The following PCSK2 variants were observed in gnomAD, a reference collection of about 807,000 sequenced individuals.
The protein encoded by PCSK2 is neuroendocrine convertase 2.
Under a neutral mutation model 69.7 loss-of-function variants are expected in PCSK2, and 14 were observed. That is an observed-to-expected ratio of 0.20 (90% CI 0.13 to 0.31). PCSK2 has a LOEUF of 0.31. Ranked by LOEUF, PCSK2 falls within the 10% of genes least tolerant of loss-of-function variation. PCSK2 has a pLI of 1.00. For missense variants in PCSK2, 544 were observed against 842.5 expected (o/e 0.65, Z 4.39); for synonymous variants, 307 against 320.7 (o/e 0.96, Z 0.46).
At chr20:17,303,470 A>ATGG (rs1989184569) in intron 2 of PCSK2, among the ~76,000 whole-genome samples, 1 of 58,046 alleles carries the variant, frequency 1.7e-5, no homozygotes, top group African/African-American at 6.3e-5. Context: ...TATAATATAT[A>ATGG]TTATATATAA....
chr20:17,321,773 C>T (rs1344185726), intron 2 of PCSK2, among the ~76,000 whole-genome samples: 1 of 152,052 alleles, frequency 6.6e-6, no homozygotes, highest in Non-Finnish European at 1.5e-5. Context: ...CTAATTGATT[C>T]CGACATTCCA....
intron 1 of PCSK2, among the ~76,000 whole-genome samples, chr20:17,257,468 G>A (rs1301145586): frequency 6.6e-6 from 1 of 152,116 alleles, no homozygotes; most frequent in Non-Finnish European, 1.5e-5. Flanking sequence ...AAAGATACAT[G>A]CACACATATG....
At chr20:17,404,484 C>T (rs1405092494) in intron 5 of PCSK2, among the ~76,000 whole-genome samples, 1 of 152,186 alleles carries the variant, frequency 6.6e-6, no homozygotes, top group Non-Finnish European at 1.5e-5. Flanking sequence ...CACGGTGGCA[C>T]CTCTTCACCA....
At chr20:17,476,409 C>G (rs1348313197) in intron 11 of PCSK2, among the ~76,000 whole-genome samples, 1 of 152,172 alleles carries the variant, frequency 6.6e-6, no homozygotes, top group Non-Finnish European at 1.5e-5. Flanking sequence ...CATTTCAGCA[C>G]TCACATGATC....
At chr20:17,281,319 C>T (rs1442739556) in intron 2 of PCSK2, among the ~76,000 whole-genome samples, 4 of 152,178 alleles carry the variant, frequency 2.6e-5, no homozygotes, top group African/African-American at 9.7e-5. Context: ...AAACACTTCT[C>T]CTGGCCCTGA....
intron 2 of PCSK2, among the ~76,000 whole-genome samples, chr20:17,281,918 G>C (rs78555761): frequency 0.013 from 2,027 of 152,198 alleles, 44 homozygotes; most frequent in African/African-American, 0.046. Flanking sequence ...CTAGTATGAT[G>C]TCCCAGTAAG....
chr20:17,395,949 T>C (rs73257682), intron 5 of PCSK2, among the ~76,000 whole-genome samples: 1 of 152,146 alleles, frequency 6.6e-6, no homozygotes, highest in East Asian at 1.9e-4. Context: ...TATAAACTAG[T>C]GTCTCTGTCT....
At chr20:17,254,781 T>C (rs1225121729) in intron 1 of PCSK2, among the ~76,000 whole-genome samples, 2 of 152,202 alleles carry the variant, frequency 1.3e-5, no homozygotes, top group African/African-American at 2.4e-5. Flanking sequence ...TTAGGGAGCA[T>C]TGCCATTTTA....
At chr20:17,364,013 G>A (rs2030500705) in intron 4 of PCSK2, among the ~76,000 whole-genome samples, 1 of 152,052 alleles carries the variant, frequency 6.6e-6, no homozygotes, top group Non-Finnish European at 1.5e-5. Flanking sequence ...ATTCAAAATA[G>A]CATTAGGAGA....
At chr20:17,349,436 G>T (rs1298446359) in intron 2 of PCSK2, among the ~76,000 whole-genome samples, 1 of 152,172 alleles carries the variant, frequency 6.6e-6, no homozygotes, top group Non-Finnish European at 1.5e-5. Flanking sequence ...CTAACACCTT[G>T]TGAGAGGAAG....
At chr20:17,260,548 G>A (rs568096985) in intron 2 of PCSK2, among the ~76,000 whole-genome samples, 1 of 152,300 alleles carries the variant, frequency 6.6e-6, no homozygotes, top group East Asian at 1.9e-4. Flanking sequence ...CCCTTTGTAT[G>A]GCTGGAGGAA....
intron 1 of PCSK2, among the ~76,000 whole-genome samples, chr20:17,230,221 A>T (rs1430559497): frequency 2.0e-5 from 3 of 151,842 alleles, no homozygotes; most frequent in African/African-American, 7.3e-5. Context: ...CCAACTCCCT[A>T]CTGCTCCCTG....
intron 2 of PCSK2, among the ~76,000 whole-genome samples, chr20:17,261,157 T>C (rs922388921): frequency 1.3e-5 from 2 of 152,228 alleles, no homozygotes; most frequent in Admixed American, 1.3e-4. Flanking sequence ...GGGTAGATTC[T>C]GATTTCTGTT....
intron 2 of PCSK2, among the ~76,000 whole-genome samples, chr20:17,300,923 G>A (rs921488056): frequency 4.6e-5 from 7 of 152,132 alleles, no homozygotes; most frequent in African/African-American, 1.7e-4. Flanking sequence ...ATTTAGGAGA[G>A]GCATAATTTC....
At chr20:17,252,802 C>CA (rs1987035701) in intron 1 of PCSK2, among the ~76,000 whole-genome samples, 1 of 151,960 alleles carries the variant, frequency 6.6e-6, no homozygotes, top group Admixed American at 6.6e-5. Flanking sequence ...ACAAGGAACA[C>CA]AAAAATACAC....
intron 5 of PCSK2, among the ~76,000 whole-genome samples, chr20:17,387,920 A>C (rs1240231230): frequency 2.0e-5 from 3 of 152,202 alleles, no homozygotes; most frequent in Non-Finnish European, 4.4e-5. Flanking sequence ...GGTGATATAA[A>C]TGTGTTTAAT....
Position 17,479,074 on chromosome 20 carries a change from T to G in PCSK2, c.1431-2510T>G, listed in dbSNP as rs114124228. On this transcript the variant is annotated intron_variant, in intron 11 of 11. Transcript: ENST00000262545. Reference sequence around the variant, plus strand: ...TTAAGTTAATGGCTTTAACCCAACATTTTTAGTCAGTTAAAGAACAGCAAT... The same window carrying G: ...TTAAGTTAATGGCTTTAACCCAACAGTTTTAGTCAGTTAAAGAACAGCAAT... 7.3e-4 allele frequency: 929 copies of G among 1,268,602 alleles called. 6 individuals are homozygous for G. The African/African-American group carries it at 0.012, about 17-fold the overall frequency. The allele number at this position is 1,268,602 out of a possible 1,614,324, so 78.6% of individuals were successfully genotyped here.
rs369769510 is a variant in PCSK2, at chr20:17,319,690, G to A, written c.283-38637G>A. Among the ~76,000 whole-genome samples, 47 of 151,896 alleles carry A rather than the reference G, an allele frequency of 3.1e-4. 4 individuals carry two copies. The East Asian group carries it at 3.9e-3, about 13-fold the overall frequency. ...CAAGGGGGTGAACACTGGGAGGGGG[G>A]TATAAATCAAGGACGTTACTGCAAC... On this transcript the variant is annotated intron_variant, in intron 2 of 11. Coordinates refer to ENST00000262545, the MANE Select transcript of PCSK2 (RefSeq NM_002594.5).
intron 6 of PCSK2, among the ~76,000 whole-genome samples, chr20:17,427,802 G>T (rs1469337047): frequency 1.3e-5 from 2 of 152,150 alleles, no homozygotes; most frequent in East Asian, 3.9e-4. Flanking sequence ...GTTGACTGGG[G>T]TGTCAGGCAT....
Sources: gnomAD v4.1 joint callset for allele counts (sites outside exome capture counted in the v4.1 genomes callset) on GRCh38, gnomAD v4.1.1 for gene constraint, MANE v1.5 for transcripts, NCBI Gene and HGNC (gene_info 2026-07-23, HGNC 2026-07-21) for gene names.